LMX1B: variants seen among roughly 807,000 people sequenced by gnomAD.
LMX1B encodes the protein LIM homeobox transcription factor 1 beta, also known as LIM homeobox transcription factor 1-beta.
A neutral mutation model predicts 51.4 loss-of-function variants in LMX1B; 12 were observed. The observed-to-expected ratio is 0.23, with a 90% CI of 0.15 to 0.38. LMX1B has a LOEUF of 0.38. Among genes scored for constraint, LMX1B ranks in the 10% least tolerant of loss-of-function variants. The pLI is 1.00. For synonymous variants in LMX1B, 237 were observed against 235.4 expected, an observed-to-expected ratio of 1.01 and a Z score of -0.06; for missense variants, 445 against 571.1, an observed-to-expected ratio of 0.78 and a Z score of 2.25.
At chr9:126,620,888 A>G (rs1375505044) in intron 2 of LMX1B, among the ~76,000 whole-genome samples, 1 of 152,198 alleles carries the variant, frequency 6.6e-6, no homozygotes, top group Non-Finnish European at 1.5e-5. Context: ...AGCTCAGCCA[A>G]TGGAGAAGGG....
intron 2 of LMX1B, among the ~76,000 whole-genome samples, chr9:126,653,203 A>G (rs1836054860): frequency 8.6e-6 from 1 of 115,984 alleles, no homozygotes; most frequent in African/African-American, 3.4e-5. Flanking sequence ...CCCGGGCTGG[A>G]GTGCAGTGGC....
chr9:126,614,907 G>A (rs936846299), intron 1 of LMX1B, among the ~76,000 whole-genome samples: 1 of 152,144 alleles, frequency 6.6e-6, no homozygotes, highest in Non-Finnish European at 1.5e-5. Context: ...GAGCTTGGGA[G>A]AGGCGCAAGG....
intron 2 of LMX1B, among the ~76,000 whole-genome samples, chr9:126,682,926 A>C (rs893411845): frequency 1.3e-5 from 2 of 150,810 alleles, no homozygotes; most frequent in Non-Finnish European, 3.0e-5. Flanking sequence ...GAAAGAAAGA[A>C]ATATTTGTGG....
chr9:126,648,135 G>A (rs1423672350), intron 2 of LMX1B, among the ~76,000 whole-genome samples: 1 of 152,224 alleles, frequency 6.6e-6, no homozygotes, highest in Non-Finnish European at 1.5e-5. Flanking sequence ...AAAGGGAAGG[G>A]GAGAAAAAGG....
At chr9:126,653,638 G>A (rs1836061530) in intron 2 of LMX1B, among the ~76,000 whole-genome samples, 1 of 152,124 alleles carries the variant, frequency 6.6e-6, no homozygotes, top group South Asian at 2.1e-4. Context: ...CCAGTGTTGG[G>A]TGCGTTTGTG....
rs1386018313 is a variant in LMX1B, at chr9:126,615,259, C to A, written c.140-124C>A. The A allele has an allele frequency of 6.0e-6, 3 of 501,208 alleles. No homozygotes were observed. The highest frequency in any genetic ancestry group is 8.5e-6 in the Non-Finnish European group (3 of 350,944). 31.0% of individuals were successfully genotyped at this position (501,208 alleles called of 1,614,324 possible). On this transcript the variant is annotated intron_variant, in intron 1 of 7. Transcript: ENST00000373474. The surrounding 1 kb of genome is among the most constrained non-coding windows in gnomAD (Gnocchi z 6.0). Reference sequence around the variant, plus strand: ...GGCGCGGCGGTCCGGGGAGCGCAGGCGGCAGGCGGTGATCCCGGGCGGCCC... The same window carrying A: ...GGCGCGGCGGTCCGGGGAGCGCAGGAGGCAGGCGGTGATCCCGGGCGGCCC...
chr9:126,640,619 C>T (rs1313854059), intron 2 of LMX1B: 1 of 152,400 alleles, frequency 6.6e-6, no homozygotes, highest in Non-Finnish European at 1.5e-5. Context: ...CTGTACCTCT[C>T]CTTCTTGTCC....
chr9:126,661,662 G>A (rs1258554757), intron 2 of LMX1B, among the ~76,000 whole-genome samples: 1 of 151,682 alleles, frequency 6.6e-6, no homozygotes, highest in Non-Finnish European at 1.5e-5. Flanking sequence ...GTGGGGCCCC[G>A]CCCACCCCTC....
At chr9:126,643,505 C>T (rs1170627492) in intron 2 of LMX1B, among the ~76,000 whole-genome samples, 1 of 152,134 alleles carries the variant, frequency 6.6e-6, no homozygotes, top group East Asian at 1.9e-4. Flanking sequence ...TCTGTACTCC[C>T]CTAGATTGTT....
intron 2 of LMX1B, among the ~76,000 whole-genome samples, chr9:126,685,773 G>A (rs146228511): frequency 6.6e-6 from 1 of 152,252 alleles, no homozygotes; most frequent in African/African-American, 2.4e-5. Flanking sequence ...CTGGAGAGTT[G>A]ATAACAGTGA....
intron 2 of LMX1B, among the ~76,000 whole-genome samples, chr9:126,620,693 G>A (rs1835394371): frequency 6.6e-6 from 1 of 152,134 alleles, no homozygotes; most frequent in Admixed American, 6.5e-5. Context: ...GGCAGACGGA[G>A]GGTGGCCGGG....
Position 126,646,809 on chromosome 9 carries a change from C to T in LMX1B, c.326+31240C>T, listed in dbSNP as rs559322934. ...AGACAAGGTTCCTGTTCATACTCAC[C>T]CTCTGCTCCTTGTGCTGGCTCTGGA... On this transcript the variant is annotated intron_variant, in intron 2 of 7. Coordinates refer to ENST00000373474, the MANE Select transcript of LMX1B (RefSeq NM_001174147.2). Among the ~76,000 whole-genome samples the T allele has an allele frequency of 2.0e-5, 3 of 152,304 alleles. No individual in the cohort carries two copies. The South Asian group carries it at 6.2e-4, about 32-fold the overall frequency.
At chr9:126,647,814 T>C (rs149325994) in intron 2 of LMX1B, among the ~76,000 whole-genome samples, 22 of 152,362 alleles carry the variant, frequency 1.4e-4, no homozygotes, top group African/African-American at 5.3e-4. Flanking sequence ...CCACACTGTG[T>C]CCTTTGGGAA....
At chr9:126,680,403 AAG>A (rs1836651064) in intron 2 of LMX1B, among the ~76,000 whole-genome samples, 1 of 152,216 alleles carries the variant, frequency 6.6e-6, no homozygotes, top group Non-Finnish European at 1.5e-5. Flanking sequence ...CTCTCTAGCA[AAG>A]AGAGTGATGT....
At chr9:126,631,995 C>T (rs888398429) in intron 2 of LMX1B, among the ~76,000 whole-genome samples, 1 of 152,136 alleles carries the variant, frequency 6.6e-6, no homozygotes, top group Non-Finnish European at 1.5e-5. Context: ...ACGGTAGGTG[C>T]GCAGTTCGTA....
intron 2 of LMX1B, among the ~76,000 whole-genome samples, chr9:126,670,596 C>T (rs1836431235): frequency 6.6e-6 from 1 of 152,164 alleles, no homozygotes; most frequent in Non-Finnish European, 1.5e-5. Context: ...TCAACATACA[C>T]ATATGTATTG....
chr9:126,679,868 C>G (rs960474334), intron 2 of LMX1B, among the ~76,000 whole-genome samples: 1 of 152,200 alleles, frequency 6.6e-6, no homozygotes, highest in African/African-American at 2.4e-5. Context: ...ATCCCAGCCC[C>G]AACACTTCCC....
chr9:126,622,169 G>A (rs939437170), intron 2 of LMX1B, among the ~76,000 whole-genome samples: 5 of 152,182 alleles, frequency 3.3e-5, no homozygotes, highest in South Asian at 2.1e-4. Context: ...AGCTTGGCTC[G>A]GACCAGCCCT....
intron 2 of LMX1B, among the ~76,000 whole-genome samples, chr9:126,639,579 G>A (rs1057396775): frequency 2.6e-5 from 4 of 152,176 alleles, no homozygotes; most frequent in African/African-American, 7.2e-5. Flanking sequence ...AATAACACAC[G>A]CCCAACAATA....
Sources: allele counts gnomAD v4.1 joint callset (sites outside exome capture counted in the v4.1 genomes callset), GRCh38; gene constraint gnomAD v4.1.1; non-coding constraint Gnocchi (gnomAD v3.1); transcripts MANE v1.5; gene names NCBI Gene and HGNC (gene_info 2026-07-23, HGNC 2026-07-21).